Variants in TGM6 observed in about 807,000 individuals in gnomAD.
The protein encoded by TGM6 is transglutaminase 6, also known as protein-glutamine gamma-glutamyltransferase 6.
In TGM6, 74 loss-of-function variants were observed where a neutral mutation model predicts 77.5. That is an observed-to-expected ratio of 0.96 (90% CI 0.79 to 1.16). The LOEUF is 1.16. TGM6 is among the 50% of genes most tolerant of loss of function. TGM6 has a pLI of 0.00. For synonymous variants in TGM6, 383 were observed against 378.9 expected (o/e 1.01, Z -0.12); for missense variants, 968 against 940.2 (o/e 1.03, Z -0.39).
At chr20:2,388,491 G>A (rs1231169141) in intron 1 of TGM6, among the ~76,000 whole-genome samples, 1 of 152,176 alleles carries the variant, frequency 6.6e-6, no homozygotes, top group African/African-American at 2.4e-5. Context: ...GTAACTCTGG[G>A]TCATGTGCAG....
At chr20:2,418,799 G>C (rs144185622) in intron 10 of TGM6, among the ~76,000 whole-genome samples, 1 of 151,966 alleles carries the variant, frequency 6.6e-6, no homozygotes, top group South Asian at 2.1e-4. Context: ...TATTGAGGCC[G>C]GGCGCGGTGG....
At position 2,400,454 on chromosome 20, in the gene TGM6, GC is replaced by G; in HGVS notation, c.989+15del. 2.5e-6 allele frequency: 4 copies of G among 1,614,058 alleles called. No individual in the cohort carries two copies. The highest frequency in any genetic ancestry group is 3.4e-6 in the Non-Finnish European group (4 of 1,180,012). The stretch of plus-strand genomic sequence containing the variant: ...CAGAAGACAGCATGTGGTGGGTCCT[GC>G]CCCCAGCCTAGGCCCGAGGGCTCTG... On this transcript the variant is annotated intron_variant, in intron 7 of 12. Transcript: ENST00000202625.
chr20:2,422,824 C>T (rs2084865375), intron 10 of TGM6, among the ~76,000 whole-genome samples: 1 of 151,772 alleles, frequency 6.6e-6, no homozygotes, highest in Non-Finnish European at 1.5e-5. Flanking sequence ...TGGTGGTACA[C>T]ACCTGTTGTC....
chr20:2,399,782 T>C (rs1219774439), intron 6 of TGM6, 44 bp downstream of exon 6: 3 of 1,533,894 alleles, frequency 2.0e-6, no homozygotes, highest in Non-Finnish European at 2.7e-6. Flanking sequence ...TGCCCCCAGC[T>C]TCCTCTATCT....
chr20:2,411,489 G>A (rs1432835390), intron 9 of TGM6, among the ~76,000 whole-genome samples: 1 of 151,526 alleles, frequency 6.6e-6, no homozygotes, highest in Non-Finnish European at 1.5e-5. Flanking sequence ...AAGAATAGAA[G>A]TAAACTTCCT....
At chr20:2,389,543 C>T (rs1324516915) in intron 1 of TGM6, among the ~76,000 whole-genome samples, 1 of 152,010 alleles carries the variant, frequency 6.6e-6, no homozygotes, top group Non-Finnish European at 1.5e-5. Context: ...GTCCGTAATA[C>T]CCTCCCTCTC....
chr20:2,383,909 C>T (rs1300913280), intron 1 of TGM6, among the ~76,000 whole-genome samples: 3 of 151,924 alleles, frequency 2.0e-5, no homozygotes, highest in African/African-American at 7.3e-5. Context: ...AGATCGAGAC[C>T]ATCCTGGCTA....
intron 4 of TGM6, 52 bp downstream of exon 4, chr20:2,396,676 C>G (rs781436768): frequency 1.9e-6 from 3 of 1,560,220 alleles, no homozygotes; most frequent in Non-Finnish European, 2.6e-6. Context: ...ATGGGGAGGT[C>G]GGTGGGACTG....
chr20:2,415,831 G>A (rs1568666297), intron 9 of TGM6, among the ~76,000 whole-genome samples: 1 of 152,126 alleles, frequency 6.6e-6, no homozygotes. Flanking sequence ...GCGCTGTCCA[G>A]TTCTTTGTAT....
intron 1 of TGM6, among the ~76,000 whole-genome samples, chr20:2,391,601 A>T (rs1291562686): frequency 6.6e-6 from 1 of 152,128 alleles, no homozygotes; most frequent in African/African-American, 2.4e-5. Context: ...ACAATGGGGC[A>T]TCCAGTGGAG....
At chr20:2,393,340 CT>C (rs1182185155) in intron 1 of TGM6, among the ~76,000 whole-genome samples, 10 of 152,026 alleles carry the variant, frequency 6.6e-5, no homozygotes, top group Admixed American at 2.6e-4. Context: ...CATTTTTGTG[CT>C]TTTTTTGTTG....
chr20:2,406,849 A>C lies in TGM6; in HGVS notation c.1336+3026A>C, dbSNP rs1036583720. ...AACTCCTCAAAAAAAAAAAAAAAAA[A>C]AAAAAAAAAAAAAAAAACCATGGCC... On this transcript the variant is annotated intron_variant, in intron 9 of 12. Transcript: ENST00000202625. 1.0e-4 allele frequency among the ~76,000 whole-genome samples: 14 copies of C among 136,738 alleles called. No homozygotes were observed. The East Asian group carries it at 1.7e-3, about 17-fold the overall frequency. The allele number at this position is 136,738 out of a possible 152,430, so 89.7% of individuals were successfully genotyped here. A position where few individuals can be genotyped will look rare whatever the true frequency, so the allele number is the denominator to read the frequency against.
intron 1 of TGM6, among the ~76,000 whole-genome samples, chr20:2,389,113 C>T (rs1045726197): frequency 2.0e-5 from 3 of 152,198 alleles, no homozygotes; most frequent in East Asian, 3.8e-4. Context: ...TGTGTAACTT[C>T]TGAGGTTAGG....
chr20:2,394,507 C>T lies in TGM6; in HGVS notation c.63C>T (p.His21=), dbSNP rs200763863. 5 of 1,611,798 alleles carry T rather than the reference C, an allele frequency of 3.1e-6. No individual in the cohort carries two copies. In the Admixed American group the frequency reaches 8.3e-5, roughly 27 times the overall value. The change falls in exon 2 of 13, where the codon CAC becomes CAT. Residue 21 remains histidine, a synonymous_variant. Transcript: ENST00000202625. ...WQRSRNGAAH[H]TQEYPCPELV... The stretch of plus-strand genomic sequence containing the variant: ...GGTCGAGGAATGGCGCTGCCCACCA[C>T]ACCCAGGAGTACCCCTGCCCTGAGC...
At chr20:2,384,901 G>C (rs2084583964) in intron 1 of TGM6, among the ~76,000 whole-genome samples, 2 of 151,980 alleles carry the variant, frequency 1.3e-5, no homozygotes, top group African/African-American at 4.8e-5. Context: ...TTAGCCTTGG[G>C]CTGGGAGCTC....
chr20:2,398,546 T>C (rs1487187697), intron 5 of TGM6, among the ~76,000 whole-genome samples: 1 of 152,202 alleles, frequency 6.6e-6, no homozygotes, highest in East Asian at 1.9e-4. Context: ...GGCAGTTTCA[T>C]GCATAGCAAT....
At chr20:2,411,297 C>T (rs1479862092) in intron 9 of TGM6, among the ~76,000 whole-genome samples, 1 of 151,998 alleles carries the variant, frequency 6.6e-6, no homozygotes, top group African/African-American at 2.4e-5. Context: ...AGATTATATG[C>T]CATGAGCAAG....
intron 1 of TGM6, among the ~76,000 whole-genome samples, chr20:2,386,234 G>A (rs2422760): frequency 0.75 from 113,619 of 151,478 alleles, 43,035 homozygotes; most frequent in African/African-American, 0.81. Context: ...CTGGACCCCA[G>A]CCCCGGCTAT....
chr20:2,423,046 T>C (rs2084867076), intron 10 of TGM6, among the ~76,000 whole-genome samples: 1 of 151,670 alleles, frequency 6.6e-6, no homozygotes, highest in Admixed American at 6.6e-5. Flanking sequence ...GCTGCTACCT[T>C]AGTTGATAAA....
Sources: gnomAD v4.1 joint callset for allele counts (sites outside exome capture counted in the v4.1 genomes callset) on GRCh38, gnomAD v4.1.1 for gene constraint, MANE v1.5 for transcripts, NCBI Gene and HGNC (gene_info 2026-07-23, HGNC 2026-07-21) for gene names.